Variants in OSBPL9 observed in about 807,000 individuals in gnomAD.
OSBPL9 encodes the protein oxysterol binding protein like 9, also known as oxysterol-binding protein-related protein 9.
Under a neutral mutation model 106.6 loss-of-function variants are expected in OSBPL9, and 40 were observed. That is an observed-to-expected ratio of 0.38 (90% CI 0.29 to 0.49). The LOEUF is 0.49. Ranked by LOEUF, OSBPL9 falls within the 20% of genes least tolerant of loss-of-function variation. The probability of loss-of-function intolerance (pLI) is 0.97; values close to 1 mark genes in which losing one functional copy is unlikely to be tolerated. For synonymous variants in OSBPL9, 269 were observed against 295.4 expected (o/e 0.91, Z 0.92); for missense variants, 609 against 887.2 (o/e 0.69, Z 3.98).
chr1:51,578,228 T>C (rs1161229832), intron 1 of OSBPL9, among the ~76,000 whole-genome samples: 1 of 152,248 alleles, frequency 6.6e-6, no homozygotes, highest in African/African-American at 2.4e-5. Flanking sequence ...ATTTGACAAA[T>C]GTTAATTGAT....
intron 8 of OSBPL9, among the ~76,000 whole-genome samples, chr1:51,756,042 T>C (rs10489546): frequency 0.24 from 36,624 of 152,164 alleles, 6,041 homozygotes; most frequent in African/African-American, 0.46. Context: ...GAATTTTGAA[T>C]GTGACTACAG....
At chr1:51,745,862 G>A (rs979351773) in intron 5 of OSBPL9, among the ~76,000 whole-genome samples, 2 of 149,834 alleles carry the variant, frequency 1.3e-5, no homozygotes, top group African/African-American at 5.1e-5. Flanking sequence ...GAAAAAAAAG[G>A]TAAATATGTA....
At chr1:51,564,967 C>T in the OSBPL9 span, among the ~76,000 whole-genome samples, 2 of 152,164 alleles carry the variant, frequency 1.3e-5, no homozygotes, top group Admixed American at 6.5e-5. Flanking sequence ...CAACCCAGCC[C>T]CTTATTTTTC....
chr1:51,758,437 AAAC>A (rs1670813485), intron 9 of OSBPL9, among the ~76,000 whole-genome samples: 1 of 151,628 alleles, frequency 6.6e-6, no homozygotes, highest in South Asian at 2.1e-4. Flanking sequence ...AAAAAAAAAA[AAAC>A]CTGGTCTATT....
chr1:51,623,040 A>G (rs1644539878), intron 1 of OSBPL9, among the ~76,000 whole-genome samples: 1 of 152,184 alleles, frequency 6.6e-6, no homozygotes, highest in Non-Finnish European at 1.5e-5. Context: ...GGCAAGGTGG[A>G]AGTAGTAAAT....
At chr1:51,787,644 T>A in intron 23 of OSBPL9, 71 bp from the exon 24 acceptor site, 1 of 1,590,370 alleles carries the variant, frequency 6.3e-7, no homozygotes. Flanking sequence ...GGGGAGCAGA[T>A]ATGAAATAGT....
intron 22 of OSBPL9, 45 bp from the exon 23 acceptor site, chr1:51,787,308 C>A (rs1436574156): frequency 4.8e-5 from 76 of 1,575,510 alleles, no homozygotes; most frequent in Non-Finnish European, 6.2e-5. Context: ...TGGCTGCAGG[C>A]TTTCATTCTC....
At chr1:51,758,952 A>AG (rs2149057501) in intron 9 of OSBPL9, among the ~76,000 whole-genome samples, 1 of 152,174 alleles carries the variant, frequency 6.6e-6, no homozygotes, top group East Asian at 1.9e-4. Flanking sequence ...GAAAACCCTT[A>AG]GCACCCATGT....
intron 1 of OSBPL9, among the ~76,000 whole-genome samples, chr1:51,577,717 C>T (rs1043106870): frequency 6.6e-6 from 1 of 152,180 alleles, no homozygotes; most frequent in Non-Finnish European, 1.5e-5. Flanking sequence ...AGGCATTGTG[C>T]TGAGTACTTT....
the OSBPL9 span, among the ~76,000 whole-genome samples, chr1:51,546,663 C>T: frequency 6.6e-6 from 1 of 151,294 alleles, no homozygotes. Context: ...TGCCACTGCA[C>T]TCCAGCCTGG....
intron 12 of OSBPL9, among the ~76,000 whole-genome samples, chr1:51,770,205 G>A (rs375346653): frequency 3.3e-5 from 5 of 150,434 alleles, no homozygotes; most frequent in African/African-American, 4.9e-5. Context: ...GCAGAGGTGC[G>A]ATGTCGGCTT....
At chr1:51,617,066 A>C, upstream of OSBPL9, 1 of 1,565,926 alleles carries the variant, frequency 6.4e-7, no homozygotes, top group Non-Finnish European at 8.7e-7. Flanking sequence ...AATGCCATAT[A>C]GGCGAGTGAC....
At chr1:51,772,851 A>G (rs765702128) in intron 14 of OSBPL9, 128 bp downstream of exon 14, 3 of 719,334 alleles carry the variant, frequency 4.2e-6, no homozygotes. Context: ...TTGTGATTTA[A>G]TATAGATGTA....
chr1:51,663,896 C>T (rs979818050), intron 2 of OSBPL9, among the ~76,000 whole-genome samples: 9 of 152,144 alleles, frequency 5.9e-5, no homozygotes, highest in Non-Finnish European at 1.0e-4. Flanking sequence ...CATACTTAAC[C>T]TTGTCAGTTA....
At chr1:51,617,081 G>A (rs753293874), upstream of OSBPL9, 15 of 1,491,692 alleles carry the variant, frequency 1.0e-5, no homozygotes, top group Non-Finnish European at 1.4e-5. Context: ...AGTGACGTCA[G>A]GCCGTTTGTT....
intron 2 of OSBPL9, among the ~76,000 whole-genome samples, chr1:51,659,951 A>T (rs1281823365): frequency 6.6e-6 from 1 of 152,120 alleles, no homozygotes; most frequent in Admixed American, 6.5e-5. Flanking sequence ...TATGGTAATT[A>T]AAATGGTATG....
chr1:51,786,567 C>A lies in OSBPL9; in HGVS notation c.1950C>A (p.Ile650=). ...TAGATACCAAGAAGTTGCCTATAAT[C>A]AAGAAGAAAGTGAGGAAGTTGGAAG... ...VFVDTKKLPI[I]KKKVRKLEDQ... is the part of the protein sequence containing the mutation. The change falls in exon 22 of 24, where the codon ATC becomes ATA. Residue 650 remains isoleucine, a synonymous_variant. Transcript: ENST00000428468. 6.2e-7 allele frequency: 1 copy of A among 1,612,752 alleles called. No individual in the cohort carries two copies. Among genetic ancestry groups the A allele is most frequent in the South Asian group, 1.1e-5 (1 of 91,028 alleles).
intron 2 of OSBPL9, 138 bp from the exon 3 acceptor site, chr1:51,669,296 A>G (rs1056539644): frequency 1.2e-5 from 8 of 680,806 alleles, no homozygotes; most frequent in African/African-American, 7.3e-5. Flanking sequence ...AAGCAAAACT[A>G]GAGTCTCAGT....
At chr1:51,651,905 C>A in intron 1 of OSBPL9, 86 bp from the exon 2 acceptor site, 2 of 1,067,112 alleles carry the variant, frequency 1.9e-6, no homozygotes, top group Non-Finnish European at 1.4e-6. Context: ...TACTGTAAAT[C>A]TTGTCCTTTT....
Sources: allele counts gnomAD v4.1 joint callset (sites outside exome capture counted in the v4.1 genomes callset), GRCh38; gene constraint gnomAD v4.1.1; transcripts MANE v1.5; gene names NCBI Gene and HGNC (gene_info 2026-07-23, HGNC 2026-07-21).